Variants in C3orf20 observed in about 807,000 individuals in gnomAD.
The protein encoded by C3orf20 is uncharacterized protein C3orf20.
A neutral mutation model predicts 88.3 loss-of-function variants in C3orf20; 76 were observed. That is an observed-to-expected ratio of 0.86 (90% CI 0.72 to 1.04). C3orf20 has a LOEUF of 1.04. Among genes scored for constraint, C3orf20 ranks in the 50% least tolerant of loss-of-function variants. C3orf20 has a pLI of 0.00. For missense variants in C3orf20, 1,056 were observed against 1,123.3 expected (o/e 0.94, Z 0.86); for synonymous variants, 436 against 437.4 (o/e 1.00, Z 0.04).
At chr3:14,700,463 A>G (rs984770442) in intron 5 of C3orf20, among the ~76,000 whole-genome samples, 1 of 152,210 alleles carries the variant, frequency 6.6e-6, no homozygotes, top group South Asian at 2.1e-4. Context: ...AAAACTTAGC[A>G]TATACAGGTT....
At chr3:14,687,129 T>C (rs1235374094) in intron 4 of C3orf20, among the ~76,000 whole-genome samples, 1 of 152,148 alleles carries the variant, frequency 6.6e-6, no homozygotes, top group East Asian at 1.9e-4. Flanking sequence ...TAAAAAGCAG[T>C]AAAGCTCTTC....
chr3:14,706,372 A>AT (rs1443724491), intron 7 of C3orf20, among the ~76,000 whole-genome samples: 2 of 151,918 alleles, frequency 1.3e-5, no homozygotes, highest in African/African-American at 4.8e-5. Context: ...TCTTTGCTGC[A>AT]TTTAATAGGA....
chr3:14,771,971 G>C (rs2125050068), intron 15 of C3orf20, 96 bp from the exon 16 acceptor site: 1 of 1,486,678 alleles, frequency 6.7e-7, no homozygotes, highest in East Asian at 2.3e-5. Flanking sequence ...AGAAGCACTT[G>C]TGTCCTTGTC....
At chr3:14,763,166 G>A (rs550763763) in intron 15 of C3orf20, among the ~76,000 whole-genome samples, 1 of 152,328 alleles carries the variant, frequency 6.6e-6, no homozygotes, top group South Asian at 2.1e-4. Flanking sequence ...AGCTGAGGCT[G>A]CAGGAAGATG....
At chr3:14,707,750 T>C (rs989809751) in intron 7 of C3orf20, among the ~76,000 whole-genome samples, 3 of 152,088 alleles carry the variant, frequency 2.0e-5, no homozygotes, top group Admixed American at 2.0e-4. Flanking sequence ...TCGCTGCTTA[T>C]GCATTTGGCT....
chr3:14,726,825 T>A, intron 10 of C3orf20, 76 bp from the exon 11 acceptor site: 1 of 1,599,292 alleles, frequency 6.3e-7, no homozygotes, highest in Middle Eastern at 2.2e-4. Flanking sequence ...CCGGAGCAAG[T>A]CTTAGTTATC....
intron 1 of C3orf20, among the ~76,000 whole-genome samples, chr3:14,681,968 A>G (rs1296895372): frequency 6.6e-6 from 1 of 152,160 alleles, no homozygotes; most frequent in African/African-American, 2.4e-5. Context: ...TAGTCCATTG[A>G]TTTTCAGGCA....
intron 15 of C3orf20, among the ~76,000 whole-genome samples, chr3:14,770,595 C>G (rs2035833390): frequency 6.6e-6 from 1 of 152,196 alleles, no homozygotes; most frequent in Admixed American, 6.5e-5. Context: ...GCCACATACT[C>G]CCAGAGCTAC....
intron 12 of C3orf20, among the ~76,000 whole-genome samples, chr3:14,749,975 A>G (rs1212713153): frequency 6.7e-6 from 1 of 148,206 alleles, no homozygotes; most frequent in African/African-American, 2.5e-5. Context: ...TGTTTTATGT[A>G]TTTGTGTTTT....
intron 12 of C3orf20, among the ~76,000 whole-genome samples, chr3:14,756,833 A>C (rs1009271010): frequency 2.0e-5 from 3 of 152,250 alleles, no homozygotes; most frequent in African/African-American, 7.2e-5. Flanking sequence ...TGTAAAAGGT[A>C]GAAAGCCACC....
intron 12 of C3orf20, among the ~76,000 whole-genome samples, chr3:14,738,738 T>TCAAGTGACTCTCCTGCCTC (rs1553615385): frequency 2.8e-5 from 4 of 143,494 alleles, no homozygotes; most frequent in African/African-American, 1.1e-4. Context: ...GCTCCTGGGT[T>TCAAGTGACTCTCCTGCCTC]CAAGCGACTC....
intron 9 of C3orf20, among the ~76,000 whole-genome samples, chr3:14,715,864 G>A (rs947136819): frequency 2.7e-5 from 4 of 146,956 alleles, no homozygotes; most frequent in African/African-American, 9.8e-5. Context: ...AGTCAAAAGT[G>A]ACTGATAGAT....
intron 10 of C3orf20, among the ~76,000 whole-genome samples, chr3:14,725,452 A>T (rs964495061): frequency 6.6e-6 from 1 of 152,112 alleles, no homozygotes; most frequent in Non-Finnish European, 1.5e-5. Flanking sequence ...TCCTCACTAA[A>T]TATTTCCATC....
At chr3:14,770,950 A>G (rs1186406617) in intron 15 of C3orf20, among the ~76,000 whole-genome samples, 3 of 152,234 alleles carry the variant, frequency 2.0e-5, no homozygotes, top group Non-Finnish European at 4.4e-5. Flanking sequence ...GAGGTGTGGC[A>G]CAGAGGTAAG....
rs564107540 is a variant in C3orf20, at chr3:14,721,710, A to G, written c.1492A>G (p.Thr498Ala). ...ACAGGACTCCATCACAGTCACCTTC[A>G]CCTCCCTGAATGAGACAGTAACACT... ...LGQDSITVTF[T>A]SLNETVTLTV... Residue 498 changes from threonine (T) to alanine (A), a missense_variant, in exon 10 of 17, where the codon ACC (threonine) becomes GCC (alanine). Coordinates refer to ENST00000253697, the MANE Select transcript of C3orf20 (RefSeq NM_032137.5). The G allele has an allele frequency of 1.1e-5, 17 of 1,614,014 alleles. No homozygotes were observed. In the South Asian group the frequency reaches 1.8e-4, roughly 17 times the overall value.
chr3:14,714,165 T>C lies in C3orf20; in HGVS notation c.1313+6T>C, dbSNP rs199982024. 2,912 of 1,613,386 alleles carry C rather than the reference T, an allele frequency of 1.8e-3. 5 individuals carry two copies. Among genetic ancestry groups the C allele is most frequent in the Non-Finnish European group, 2.2e-3 (2,592 of 1,179,910 alleles). On this transcript the variant is annotated splice_donor_region_variant and intron_variant, in intron 8 of 16. Transcript: ENST00000253697. ...CACTACAACCTAAAAACCAGGTAAG[T>C]GGACTGGGAGAGTACTAGTCACACG...
At chr3:14,759,531 G>A (rs1278679098) in intron 13 of C3orf20, among the ~76,000 whole-genome samples, 1 of 152,164 alleles carries the variant, frequency 6.6e-6, no homozygotes, top group Non-Finnish European at 1.5e-5. Flanking sequence ...CTGGAAACGG[G>A]TCCACCTAAG....
intron 12 of C3orf20, among the ~76,000 whole-genome samples, chr3:14,734,443 CT>C (rs2124999003): frequency 6.6e-6 from 1 of 152,012 alleles, no homozygotes; most frequent in Admixed American, 6.5e-5. Context: ...CTTTCTTGTT[CT>C]TTCTTGTCCC....
At chr3:14,719,601 T>G (rs2034073829) in intron 9 of C3orf20, among the ~76,000 whole-genome samples, 1 of 152,122 alleles carries the variant, frequency 6.6e-6, no homozygotes. Flanking sequence ...GGTGAGAGAC[T>G]GGGGATAATG....
Sources: gnomAD v4.1 joint callset for allele counts (sites outside exome capture counted in the v4.1 genomes callset) on GRCh38, gnomAD v4.1.1 for gene constraint, MANE v1.5 for transcripts, NCBI Gene and HGNC (gene_info 2026-07-23, HGNC 2026-07-21) for gene names.